The following SLC4A4 variants were observed in gnomAD, a reference collection of about 807,000 sequenced individuals.
SLC4A4 encodes solute carrier family 4 member 4.
A neutral mutation model predicts 111.5 loss-of-function variants in SLC4A4; 27 were observed. That is an observed-to-expected ratio of 0.24 (90% CI 0.18 to 0.33). SLC4A4 has a LOEUF of 0.33. SLC4A4 is among the 10% of genes least tolerant of loss of function. The pLI is 1.00. For synonymous variants in SLC4A4, 443 were observed against 463.4 expected (o/e 0.96, Z 0.57); for missense variants, 909 against 1,315.5 (o/e 0.69, Z 4.78).
intron 2 of SLC4A4, among the ~76,000 whole-genome samples, chr4:71,176,630 A>G (rs1292333619): frequency 6.6e-6 from 1 of 152,206 alleles, no homozygotes; most frequent in Non-Finnish European, 1.5e-5. Flanking sequence ...GTTTAGAGAA[A>G]AAAGAATAAA....
chr4:71,486,607 A>G (rs1301864344), intron 14 of SLC4A4, among the ~76,000 whole-genome samples: 1 of 151,490 alleles, frequency 6.6e-6, no homozygotes, highest in Non-Finnish European at 1.5e-5. Context: ...ATCAATTATG[A>G]ACAGCCCTTG....
intron 16 of SLC4A4, among the ~76,000 whole-genome samples, chr4:71,518,807 C>T (rs1023285045): frequency 2.6e-5 from 4 of 152,172 alleles, no homozygotes; most frequent in South Asian, 2.1e-4. Context: ...GATTGCTGAG[C>T]CAGCCTGGTG....
chr4:71,383,567 G>A (rs922994770), intron 6 of SLC4A4, among the ~76,000 whole-genome samples: 2 of 152,082 alleles, frequency 1.3e-5, no homozygotes, highest in African/African-American at 4.8e-5. Flanking sequence ...ATATGGGATC[G>A]CACCATGGCA....
chr4:71,298,692 G>A (rs905610551), intron 3 of SLC4A4, among the ~76,000 whole-genome samples: 2 of 151,972 alleles, frequency 1.3e-5, no homozygotes, highest in African/African-American at 4.8e-5. Context: ...TTTATCAGTT[G>A]GATGCTGGGG....
chr4:71,291,835 T>A (rs976915719), intron 3 of SLC4A4, among the ~76,000 whole-genome samples: 2 of 152,238 alleles, frequency 1.3e-5, no homozygotes, highest in Non-Finnish European at 2.9e-5. Context: ...TACTTTATTA[T>A]CAAATTGTGA....
At chr4:71,416,895 A>G (rs1278501012) in intron 7 of SLC4A4, among the ~76,000 whole-genome samples, 1 of 152,182 alleles carries the variant, frequency 6.6e-6, no homozygotes, top group Non-Finnish European at 1.5e-5. Context: ...GGACAAGGGT[A>G]GGACTTTTAG....
chr4:71,452,297 T>G (rs1220270125), intron 11 of SLC4A4, among the ~76,000 whole-genome samples: 2 of 152,192 alleles, frequency 1.3e-5, no homozygotes, highest in Admixed American at 6.5e-5. Flanking sequence ...TTTTGAATAG[T>G]TTTTTGTAAA....
At chr4:71,179,356 G>A (rs1745208264) in intron 2 of SLC4A4, among the ~76,000 whole-genome samples, 4 of 152,136 alleles carry the variant, frequency 2.6e-5, no homozygotes. Context: ...TCTGGCCAGG[G>A]CAATCAGGCA....
At chr4:71,158,592 C>T (rs941685476) in intron 2 of SLC4A4, among the ~76,000 whole-genome samples, 2 of 152,152 alleles carry the variant, frequency 1.3e-5, no homozygotes, top group Admixed American at 1.3e-4. Flanking sequence ...CATCAAATTC[C>T]CAAGTCCCTT....
At chr4:71,283,997 G>T (rs1369034052) in intron 3 of SLC4A4, among the ~76,000 whole-genome samples, 1 of 152,094 alleles carries the variant, frequency 6.6e-6, no homozygotes, top group Non-Finnish European at 1.5e-5. Flanking sequence ...TTCCCCCTTT[G>T]TCTTGACTTC....
At chr4:71,452,824 C>A (rs1214943557) in intron 11 of SLC4A4, among the ~76,000 whole-genome samples, 3 of 152,138 alleles carry the variant, frequency 2.0e-5, no homozygotes, top group Non-Finnish European at 4.4e-5. Context: ...TCTTGGAGAC[C>A]TTTTCTGGCC....
intron 7 of SLC4A4, among the ~76,000 whole-genome samples, chr4:71,425,667 A>G (rs1475137288): frequency 6.6e-6 from 1 of 152,112 alleles, no homozygotes; most frequent in Non-Finnish European, 1.5e-5. Context: ...CAGTCCAGAA[A>G]GCAAGGAAAA....
At chr4:71,070,109 C>G (rs969082774) in intron 1 of SLC4A4, among the ~76,000 whole-genome samples, 1 of 152,122 alleles carries the variant, frequency 6.6e-6, no homozygotes. Flanking sequence ...TAGAGTCTAG[C>G]AAACTGAGTG....
At chr4:71,547,998 C>T (rs1735678939) in intron 20 of SLC4A4, among the ~76,000 whole-genome samples, 1 of 151,854 alleles carries the variant, frequency 6.6e-6, no homozygotes, top group Non-Finnish European at 1.5e-5. Context: ...ATAGTAGTTT[C>T]ATGCAATTGA....
intron 3 of SLC4A4, among the ~76,000 whole-genome samples, chr4:71,297,259 A>G (rs1204089502): frequency 6.6e-6 from 1 of 152,168 alleles, no homozygotes; most frequent in Non-Finnish European, 1.5e-5. Flanking sequence ...TGTGCTGGGA[A>G]CCACCAGGAT....
intron 2 of SLC4A4, among the ~76,000 whole-genome samples, chr4:71,121,840 G>A: frequency 6.6e-6 from 1 of 152,042 alleles, no homozygotes; most frequent in East Asian, 1.9e-4. Flanking sequence ...TCACTCTTTG[G>A]GTCCACACTG....
intron 9 of SLC4A4, among the ~76,000 whole-genome samples, chr4:71,449,135 C>T (rs1233838437): frequency 1.3e-5 from 2 of 152,098 alleles, no homozygotes; most frequent in Admixed American, 6.5e-5. Flanking sequence ...AATGATAAAT[C>T]AAGAGCTAAG....
At chr4:71,293,049 G>C (rs1380182969) in intron 3 of SLC4A4, among the ~76,000 whole-genome samples, 1 of 149,986 alleles carries the variant, frequency 6.7e-6, no homozygotes, top group Non-Finnish European at 1.5e-5. Context: ...CACCATCTTG[G>C]CCAGGCTGGT....
At chr4:71,266,497 A>C (rs1164089131) in intron 3 of SLC4A4, among the ~76,000 whole-genome samples, 1 of 152,142 alleles carries the variant, frequency 6.6e-6, no homozygotes, top group Non-Finnish European at 1.5e-5. Context: ...CACTTTCACT[A>C]ATTTGTCATC....
Sources: gnomAD v4.1 joint callset for allele counts (sites outside exome capture counted in the v4.1 genomes callset) on GRCh38, gnomAD v4.1.1 for gene constraint, MANE v1.5 for transcripts, NCBI Gene and HGNC (gene_info 2026-07-23, HGNC 2026-07-21) for gene names.